Variants in TSHZ2 observed in about 807,000 individuals in gnomAD.
TSHZ2 encodes teashirt homolog 2.
TSHZ2 carries 21 observed loss-of-function variants against 74.4 expected under a neutral mutation model. The observed-to-expected ratio is 0.28, with a 90% CI of 0.20 to 0.41. The LOEUF (loss-of-function observed/expected upper bound fraction) is 0.41. Among genes scored for constraint, TSHZ2 ranks in the 10% least tolerant of loss-of-function variants. The pLI is 1.00. For synonymous variants in TSHZ2, 540 were observed against 515.3 expected (o/e 1.05, Z -0.65); for missense variants, 1,244 against 1,293.5 (o/e 0.96, Z 0.59).
intron 2 of TSHZ2, among the ~76,000 whole-genome samples, chr20:53,321,697 A>AAAAAAAAAG (rs1555850300): frequency 1.6e-4 from 22 of 140,540 alleles, no homozygotes; most frequent in African/African-American, 5.8e-4. Context: ...AAAAAAAAAA[A>AAAAAAAAAG]AAAGAAAGAC....
At chr20:53,360,245 A>G (rs1980999118) in intron 2 of TSHZ2, among the ~76,000 whole-genome samples, 1 of 152,242 alleles carries the variant, frequency 6.6e-6, no homozygotes, top group Admixed American at 6.5e-5. Flanking sequence ...ATTCAGTATA[A>G]GACAGCATAT....
chr20:53,005,065 C>A (rs1982588788), intron 1 of TSHZ2, among the ~76,000 whole-genome samples: 1 of 152,152 alleles, frequency 6.6e-6, no homozygotes, highest in South Asian at 2.1e-4. Flanking sequence ...GTAATCCCAG[C>A]ACTTTGGGAG....
In TSHZ2 at chr20:53,253,599, C is replaced by T; in HGVS notation, c.141C>T (p.Asp47=). 1.9e-6 allele frequency: 3 copies of T among 1,614,094 alleles called. No homozygotes were observed. Among genetic ancestry groups the T allele is most frequent in the Non-Finnish European group, 2.5e-6 (3 of 1,180,020 alleles). The change falls in exon 2 of 3, where the codon GAC becomes GAT. Residue 47 remains aspartate (D), a synonymous_variant. Transcript: ENST00000371497. ...TAGCTCAACTGCAGGGTGGCAATGA[C>T]ACAGGGACGGACGAGGAGCTAGAAA... is the stretch of plus-strand genomic sequence containing the variant. The part of the protein sequence containing the change: ...GSVAQLQGGN[D]TGTDEELETG...
intron 2 of TSHZ2, among the ~76,000 whole-genome samples, chr20:53,445,048 A>G (rs978624934): frequency 3.9e-5 from 6 of 152,182 alleles, no homozygotes; most frequent in Non-Finnish European, 8.8e-5. Context: ...AGGGCCTCCC[A>G]TCCTTGAATG....
chr20:53,091,752 G>A (rs6097226), intron 1 of TSHZ2, among the ~76,000 whole-genome samples: 11,298 of 152,150 alleles, frequency 0.074, 979 homozygotes, highest in African/African-American at 0.21. Context: ...CTAAAAACCC[G>A]TGCTTCTGGT....
chr20:53,073,074 A>G (rs1271729958), intron 1 of TSHZ2, among the ~76,000 whole-genome samples: 3 of 109,106 alleles, frequency 2.7e-5, no homozygotes, highest in Non-Finnish European at 3.8e-5. Context: ...CCATCCCTCC[A>G]TTCCTTTATT....
intron 1 of TSHZ2, among the ~76,000 whole-genome samples, chr20:53,092,448 T>TG (rs1371657663): frequency 4.6e-5 from 7 of 152,198 alleles, no homozygotes; most frequent in Non-Finnish European, 1.0e-4. Context: ...AGAAGCTGTG[T>TG]GGGTTGCTAG....
chr20:53,199,981 C>T (rs564032641), intron 1 of TSHZ2, among the ~76,000 whole-genome samples: 1 of 152,168 alleles, frequency 6.6e-6, no homozygotes, highest in South Asian at 2.1e-4. Context: ...AGCTATGGTT[C>T]TTGGAAGGGA....
At chr20:53,142,767 C>A (rs1987435836) in intron 1 of TSHZ2, among the ~76,000 whole-genome samples, 1 of 151,798 alleles carries the variant, frequency 6.6e-6, no homozygotes, top group Admixed American at 6.6e-5. Flanking sequence ...CCTGGAGAGG[C>A]CAGGCCATTG....
Position 53,131,959 on chromosome 20 carries a change from G to C in TSHZ2, c.41-121540G>C, listed in dbSNP as rs1014748428. On this transcript the variant is annotated intron_variant, in intron 1 of 2. Transcript: ENST00000371497. Reference sequence around the variant, plus strand: ...GGGAGCGAGCCAGGTTGAGAAAGTGGGAGTGGTGAAGGAGAGTAGAGGGAA... The same window carrying C: ...GGGAGCGAGCCAGGTTGAGAAAGTGCGAGTGGTGAAGGAGAGTAGAGGGAA... Among the ~76,000 whole-genome samples the C allele has an allele frequency of 3.3e-5, 5 of 152,054 alleles. No homozygotes were observed. In the East Asian group the frequency reaches 9.7e-4, roughly 29 times the overall value.
chr20:53,364,901 C>T (rs1981201383), intron 2 of TSHZ2, among the ~76,000 whole-genome samples: 1 of 152,236 alleles, frequency 6.6e-6, no homozygotes, highest in Admixed American at 6.5e-5. Context: ...GCCAAGTCCT[C>T]TGTCATCCTG....
chr20:53,311,121 G>C (rs1978766499), intron 2 of TSHZ2, among the ~76,000 whole-genome samples: 1 of 152,340 alleles, frequency 6.6e-6, no homozygotes, highest in South Asian at 2.1e-4. Context: ...GCACAGAGCA[G>C]AATTGCATCT....
chr20:53,283,857 C>A (rs1991111181), intron 2 of TSHZ2, among the ~76,000 whole-genome samples: 1 of 152,136 alleles, frequency 6.6e-6, no homozygotes. Flanking sequence ...TATTTTTATC[C>A]AGGGAAGATT....
At chr20:53,092,727 A>T (rs1985920770) in intron 1 of TSHZ2, among the ~76,000 whole-genome samples, 2 of 152,252 alleles carry the variant, frequency 1.3e-5, no homozygotes, top group South Asian at 4.1e-4. Flanking sequence ...TTGTAAAAAT[A>T]ACATTCTGGG....
rs921190099 is a variant in TSHZ2 at position 53,479,034 on chromosome 20, G to A, written c.*9-8110G>A. On this transcript the variant is annotated intron_variant, in intron 2 of 2. Coordinates refer to ENST00000371497, the MANE Select transcript of TSHZ2 (RefSeq NM_173485.6). ...ACAAAAATTAGCCGGGTGTGGTGGCGCATGCCTGTAATCCCAGCTACTCAG... is the reference window on the plus strand; with the variant it reads ...ACAAAAATTAGCCGGGTGTGGTGGCACATGCCTGTAATCCCAGCTACTCAG... Among the ~76,000 whole-genome samples, 18 of 152,074 alleles carry A rather than the reference G, an allele frequency of 1.2e-4. 1 individual carries two copies. The highest frequency in any genetic ancestry group is 7.9e-4 in the Admixed American group (12 of 15,260).
chr20:53,222,012 A>G (rs752306296), intron 1 of TSHZ2, among the ~76,000 whole-genome samples: 6 of 152,208 alleles, frequency 3.9e-5, no homozygotes, highest in Non-Finnish European at 8.8e-5. Context: ...TCATACTGGC[A>G]TTGTATTTTA....
chr20:53,300,558 A>T (rs538421059), intron 2 of TSHZ2, among the ~76,000 whole-genome samples: 200 of 152,336 alleles, frequency 1.3e-3, no homozygotes, highest in African/African-American at 3.4e-3. Context: ...AATATTTATT[A>T]TCTCCAATAG....
chr20:53,172,401 GTTTTAT>G (rs1200977382), intron 1 of TSHZ2, among the ~76,000 whole-genome samples: 1 of 151,926 alleles, frequency 6.6e-6, no homozygotes, highest in African/African-American at 2.4e-5. Context: ...TATTGTTTGG[GTTTTAT>G]TTTTATTTTT....
At chr20:53,080,432 A>G (rs182288345) in intron 1 of TSHZ2, among the ~76,000 whole-genome samples, 141 of 152,326 alleles carry the variant, frequency 9.3e-4, no homozygotes, top group African/African-American at 3.2e-3. Flanking sequence ...TGAATCCTCT[A>G]TTAACATTGC....
Sources: gnomAD v4.1 joint callset for allele counts (sites outside exome capture counted in the v4.1 genomes callset) on GRCh38, gnomAD v4.1.1 for gene constraint, MANE v1.5 for transcripts, NCBI Gene and HGNC (gene_info 2026-07-23, HGNC 2026-07-21) for gene names.